Variants in KIF6 observed in about 807,000 individuals in gnomAD.
KIF6 encodes the protein kinesin-like protein KIF6.
In KIF6, 106 loss-of-function variants were observed where a neutral mutation model predicts 112.7. That is an observed-to-expected ratio of 0.94 (90% CI 0.80 to 1.11). The LOEUF is 1.11. KIF6 is among the 50% of genes least tolerant of loss of function. The pLI, the probability that KIF6 is intolerant of heterozygous loss-of-function variation, is 0.00. For synonymous variants in KIF6, 339 were observed against 339.9 expected (o/e 1.00, Z 0.03); for missense variants, 929 against 964.0 (o/e 0.96, Z 0.48).
intron 2 of KIF6, among the ~76,000 whole-genome samples, chr6:39,718,270 G>T (rs1240736435): frequency 6.7e-6 from 1 of 150,262 alleles, no homozygotes; most frequent in African/African-American, 2.4e-5. Context: ...TTTGGATAGG[G>T]TCCATAGATA....
rs1423051154 is a variant in KIF6 at position 39,537,890 on chromosome 6, C to T, written c.1645+2113G>A. Among the ~76,000 whole-genome samples, 7 of 152,274 alleles carry T rather than the reference C, an allele frequency of 4.6e-5. No individual in the cohort carries two copies. In the East Asian group the frequency reaches 9.6e-4, roughly 21 times the overall value. The stretch of plus-strand genomic sequence containing the variant: ...AGAGATATAGACCAATGGAACAGAA[C>T]AGAGCCCTCAGAAATAATGCCGCAT... On this transcript the variant is annotated intron_variant, in intron 13 of 22. Transcript: ENST00000287152.
intron 12 of KIF6, among the ~76,000 whole-genome samples, chr6:39,541,759 A>G (rs971600209): frequency 6.6e-6 from 1 of 152,164 alleles, no homozygotes; most frequent in Non-Finnish European, 1.5e-5. Context: ...GGGTGCTACA[A>G]AAGGCCTAAG....
At position 39,539,867 on chromosome 6, in the gene KIF6, TTAAGA is replaced by T. The variant is rs774056885; in HGVS notation, c.1645+131_1645+135del. On this transcript the variant is annotated intron_variant, in intron 13 of 22. Transcript: ENST00000287152. ...TCAGTTTGGGAAAGTGGTATTTAAT[TTAAGA>T]TAATTGATAGTTATAAAAAATAATT... 108 of 675,818 alleles carry T rather than the reference TTAAGA, an allele frequency of 1.6e-4. 3 individuals carry two copies. The highest frequency in any genetic ancestry group is 6.8e-4 in the South Asian group (32 of 47,180). The allele number at this position is 675,818 out of a possible 1,614,324, so 41.9% of individuals were successfully genotyped here.
intron 19 of KIF6, among the ~76,000 whole-genome samples, chr6:39,356,487 A>T (rs1209172746): frequency 6.6e-6 from 1 of 150,680 alleles, no homozygotes; most frequent in Non-Finnish European, 1.5e-5. Flanking sequence ...CTAGTCTTGA[A>T]CTCCTGACCT....
At chr6:39,507,249 A>G (rs900473403) in intron 13 of KIF6, among the ~76,000 whole-genome samples, 1 of 152,198 alleles carries the variant, frequency 6.6e-6, no homozygotes, top group Non-Finnish European at 1.5e-5. Flanking sequence ...TCAGAATTGA[A>G]TTAAATGTAG....
At chr6:39,410,955 G>C (rs781189878) in intron 15 of KIF6, among the ~76,000 whole-genome samples, 2 of 152,222 alleles carry the variant, frequency 1.3e-5, no homozygotes, top group Non-Finnish European at 2.9e-5. Context: ...TCCTGGACCA[G>C]AGGTGGGTTC....
rs1762907363 is a variant in KIF6 at position 39,336,231 on chromosome 6, A to C, written c.*301T>G. The C allele has an allele frequency of 2.6e-6, 1 of 381,204 alleles. No individual in the cohort carries two copies. The highest frequency in any genetic ancestry group is 4.7e-6 in the Non-Finnish European group (1 of 212,082). The allele number at this position is 381,204 out of a possible 1,614,324, so 23.6% of individuals were successfully genotyped here. The stretch of plus-strand genomic sequence containing the variant: ...AAAAGCTTATAAAGATCTACACAAA[A>C]CGTCACTACAACAGTGAGCTGAAGC... On this transcript the variant is annotated 3_prime_UTR_variant, in exon 23 of 23. Coordinates refer to ENST00000287152, the MANE Select transcript of KIF6 (RefSeq NM_145027.6).
At chr6:39,523,537 T>C (rs1777514824) in intron 13 of KIF6, among the ~76,000 whole-genome samples, 1 of 150,800 alleles carries the variant, frequency 6.6e-6, no homozygotes, top group Non-Finnish European at 1.5e-5. Flanking sequence ...CCAAATGCTT[T>C]TGCAACATCA....
chr6:39,702,115 C>T (rs1400256573), intron 3 of KIF6, among the ~76,000 whole-genome samples: 1 of 152,166 alleles, frequency 6.6e-6, no homozygotes, highest in Non-Finnish European at 1.5e-5. Flanking sequence ...TCCTTGTTTA[C>T]CTTTGTCTAG....
chr6:39,607,209 G>T (rs1410856853), intron 6 of KIF6, among the ~76,000 whole-genome samples: 1 of 152,106 alleles, frequency 6.6e-6, no homozygotes, highest in South Asian at 2.1e-4. Context: ...TTTTAATAAT[G>T]TATATGGAGT....
rs554649678 is a variant in KIF6 at position 39,357,593 on chromosome 6, C to T, written c.2083-219G>A. On this transcript the variant is annotated intron_variant, in intron 18 of 22. Transcript: ENST00000287152. ...CCTCCCGAGTAGCTGGGATTATAGG[C>T]ACCCGCCATCATGCCCGGCAAATTT... Among the ~76,000 whole-genome samples the T allele has an allele frequency of 5.9e-5, 9 of 152,102 alleles. No homozygotes were observed. The South Asian group carries it at 1.7e-3, about 28-fold the overall frequency.
At position 39,385,658 on chromosome 6, in the gene KIF6, C is replaced by A. The variant is rs756167434; in HGVS notation, c.1825G>T (p.Glu609Ter). The change falls in exon 16 of 23, where the codon GAA becomes TAA. Residue 609 changes from glutamate (E) to a stop codon, truncating the protein, a stop_gained. Coordinates refer to ENST00000287152, the MANE Select transcript of KIF6 (RefSeq NM_145027.6). LOFTEE classifies it high-confidence loss of function. Reference sequence around the variant, plus strand: ...TGCTGTATATGCCGCTGGGTGATTTCTTCCTTCAGGTGACCTGCCAAAGAC... The same window carrying A: ...TGCTGTATATGCCGCTGGGTGATTTATTCCTTCAGGTGACCTGCCAAAGAC... ...ARSKIGHLKE[E>*]ITQRHIQQVA... The A allele has an allele frequency of 1.2e-6, 2 of 1,613,110 alleles. No individual in the cohort carries two copies. Among genetic ancestry groups the A allele is most frequent in the Admixed American group, 1.7e-5 (1 of 59,954 alleles).
chr6:39,647,253 G>C (rs563057934), intron 3 of KIF6, among the ~76,000 whole-genome samples: 2 of 152,316 alleles, frequency 1.3e-5, no homozygotes, highest in South Asian at 2.1e-4. Context: ...AAAAATGTGA[G>C]GAGGCCGACA....
chr6:39,619,921 G>A (rs185026255), intron 5 of KIF6, among the ~76,000 whole-genome samples: 32 of 152,098 alleles, frequency 2.1e-4, no homozygotes, highest in African/African-American at 5.5e-4. Flanking sequence ...ATATCTTTCT[G>A]TATTATGTTA....
intron 16 of KIF6, among the ~76,000 whole-genome samples, chr6:39,369,954 C>A (rs1423498918): frequency 6.6e-6 from 1 of 152,198 alleles, no homozygotes; most frequent in African/African-American, 2.4e-5. Context: ...GGGTCTGACC[C>A]ACAAGGTTCC....
chr6:39,583,580 A>G, intron 9 of KIF6: 4 of 440,050 alleles, frequency 9.1e-6, no homozygotes, highest in Non-Finnish European at 1.9e-5. Flanking sequence ...CAAACAATCA[A>G]GAGGAAGTAA....
Position 39,596,729 on chromosome 6 carries a change from T to C in KIF6, c.640-469A>G, listed in dbSNP as rs566427337. 2.0e-5 allele frequency among the ~76,000 whole-genome samples: 3 copies of C among 151,892 alleles called. No individual in the cohort carries two copies. The South Asian group carries it at 6.2e-4, about 32-fold the overall frequency. ...ACACTAAAGTGGAGGCCCTAGACAA[T>C]ACAATAAACAAGAAAAAGAAATAGA... On this transcript the variant is annotated intron_variant, in intron 6 of 22. Coordinates refer to ENST00000287152, the MANE Select transcript of KIF6 (RefSeq NM_145027.6).
chr6:39,441,148 C>G (rs1771898908), intron 13 of KIF6, among the ~76,000 whole-genome samples: 3 of 152,150 alleles, frequency 2.0e-5, no homozygotes, highest in Admixed American at 2.0e-4. Context: ...TATGTTACCG[C>G]TTTCACTCTT....
chr6:39,666,422 T>C (rs1786464542), intron 3 of KIF6, among the ~76,000 whole-genome samples: 1 of 152,198 alleles, frequency 6.6e-6, no homozygotes. Flanking sequence ...CAACTATGAA[T>C]TGTATACAGT....
Sources: allele counts gnomAD v4.1 joint callset (sites outside exome capture counted in the v4.1 genomes callset), GRCh38; gene constraint gnomAD v4.1.1; transcripts MANE v1.5; gene names NCBI Gene and HGNC (gene_info 2026-07-23, HGNC 2026-07-21).